The following PTPN11 variants were observed in gnomAD, a reference collection of about 807,000 sequenced individuals.
PTPN11 encodes the protein protein tyrosine phosphatase non-receptor type 11.
A neutral mutation model predicts 78.8 loss-of-function variants in PTPN11; 6 were observed. The ratio of observed to expected loss-of-function variants is 0.08; its 90% CI spans 0.04 to 0.15. The LOEUF is 0.15. PTPN11 is among the 10% of genes least tolerant of loss of function. The pLI is 1.00. For missense variants in PTPN11, 386 were observed against 744.8 expected (o/e 0.52, Z 5.61); for synonymous variants, 221 against 263.5 (o/e 0.84, Z 1.56).
intron 6 of PTPN11, chr12:112,457,173 G>A (rs980276246): frequency 8.9e-6 from 3 of 336,654 alleles, no homozygotes; most frequent in Non-Finnish European, 1.8e-5. Flanking sequence ...CTTTGAGAGG[G>A]TGAGGCAGGT....
chr12:112,465,504 A>G (rs2038313246), intron 6 of PTPN11, among the ~76,000 whole-genome samples: 1 of 151,710 alleles, frequency 6.6e-6, no homozygotes, highest in African/African-American at 2.4e-5. Context: ...GCCAGGGGGT[A>G]CTGTGGGCTG....
intron 1 of PTPN11, among the ~76,000 whole-genome samples, chr12:112,442,315 T>G (rs61941348): frequency 6.6e-6 from 1 of 152,108 alleles, no homozygotes; most frequent in Non-Finnish European, 1.5e-5. Context: ...GTGTTTTGGA[T>G]TTCAGATTTT....
At chr12:112,432,087 G>A (rs187825668) in intron 1 of PTPN11, among the ~76,000 whole-genome samples, 1 of 152,272 alleles carries the variant, frequency 6.6e-6, no homozygotes, top group Admixed American at 6.5e-5. Context: ...AACACAAGTG[G>A]TCTGAAAACA....
chr12:112,452,930 A>G (rs2038098124), intron 3 of PTPN11, among the ~76,000 whole-genome samples: 1 of 152,226 alleles, frequency 6.6e-6, no homozygotes, highest in Admixed American at 6.5e-5. Context: ...GATTTAAAAA[A>G]AAACAGGAAA....
chr12:112,508,274 G>C lies in PTPN11; in HGVS notation c.*2482G>C, dbSNP rs2038960415. Reference sequence around the variant, plus strand: ...TATGTAAACTTAGGCCAAGGCCAGAGTTATCATAGTCCCTAGGTTGCTACG... The same window carrying C: ...TATGTAAACTTAGGCCAAGGCCAGACTTATCATAGTCCCTAGGTTGCTACG... On this transcript the variant is annotated 3_prime_UTR_variant, in exon 16 of 16. Transcript: ENST00000351677. 6.6e-6 allele frequency: 1 copy of C among 152,634 alleles called. No homozygotes were observed. Among genetic ancestry groups the C allele is most frequent in the Admixed American group, 6.5e-5 (1 of 15,282 alleles). 9.5% of individuals were successfully genotyped at this position (152,634 alleles called of 1,614,324 possible).
intron 13 of PTPN11, among the ~76,000 whole-genome samples, chr12:112,500,630 C>T (rs2038863687): frequency 6.6e-6 from 1 of 152,150 alleles, no homozygotes; most frequent in South Asian, 2.1e-4. Context: ...CTCACTCCAT[C>T]ACCCAGGCTG....
At chr12:112,474,882 C>T (rs2135897423) in intron 7 of PTPN11, among the ~76,000 whole-genome samples, 1 of 152,112 alleles carries the variant, frequency 6.6e-6, no homozygotes, top group South Asian at 2.1e-4. Context: ...CTGCCTGCAT[C>T]GGCCTCCCAA....
intron 1 of PTPN11, among the ~76,000 whole-genome samples, chr12:112,438,046 T>C (rs569790038): frequency 1.3e-5 from 2 of 152,206 alleles, no homozygotes; most frequent in Non-Finnish European, 2.9e-5. Context: ...AGGACTCTGA[T>C]GTACCTGAAG....
chr12:112,490,647 G>A (rs7978851), intron 13 of PTPN11, among the ~76,000 whole-genome samples: 53,515 of 151,712 alleles, frequency 0.35, 13,732 homozygotes, highest in East Asian at 0.85. Flanking sequence ...AGGTCTCACT[G>A]TGTTGCCCAG....
At chr12:112,471,670 G>C (rs1424547150) in intron 6 of PTPN11, among the ~76,000 whole-genome samples, 1 of 149,306 alleles carries the variant, frequency 6.7e-6, no homozygotes, top group Non-Finnish European at 1.5e-5. Context: ...GAACACAGTG[G>C]GAAAAAAAAA....
chr12:112,462,177 G>C (rs968573216), intron 6 of PTPN11, among the ~76,000 whole-genome samples: 10 of 152,128 alleles, frequency 6.6e-5, no homozygotes, highest in African/African-American at 2.4e-4. Flanking sequence ...GGGCAATATA[G>C]TGAGACCCTG....
chr12:112,432,809 A>G (rs1316270995), intron 1 of PTPN11, among the ~76,000 whole-genome samples: 1 of 151,992 alleles, frequency 6.6e-6, no homozygotes, highest in Non-Finnish European at 1.5e-5. Context: ...GCAAGACCCC[A>G]TCTCAAAAAA....
rs2038680295 is a variant in PTPN11 at position 112,486,593 on chromosome 12, G to A, written c.1343G>A (p.Ser448Asn). 5.6e-6 allele frequency: 9 copies of A among 1,613,642 alleles called. No individual in the cohort carries two copies. Among genetic ancestry groups the A allele is most frequent in the Non-Finnish European group, 6.8e-6 (8 of 1,180,050 alleles). Residue 448 changes from serine to asparagine, a missense_variant, in exon 11 of 16, where the codon AGC becomes AAC. Around this residue, in one of 3 missense-constraint regions of PTPN11, gnomAD observed 63 missense variants for 182.2 expected, o/e 0.35. Coordinates refer to ENST00000351677, the MANE Select transcript of PTPN11 (RefSeq NM_002834.5). The part of the protein sequence containing the change: ...FLEEVHHKQE[S>N]IMDAGPVVVH... ...GAGGAGGTGCACCATAAGCAGGAGA[G>A]CATCATGGATGCAGGGCCGGTCGTG...
chr12:112,430,378 A>C (rs1291659974), intron 1 of PTPN11, among the ~76,000 whole-genome samples: 2 of 152,116 alleles, frequency 1.3e-5, no homozygotes, highest in Non-Finnish European at 2.9e-5. Context: ...GTAAGTATGG[A>C]TAAATCATCT....
intron 1 of PTPN11, among the ~76,000 whole-genome samples, chr12:112,433,515 G>T (rs1453121568): frequency 6.6e-6 from 1 of 152,210 alleles, no homozygotes; most frequent in Non-Finnish European, 1.5e-5. Flanking sequence ...ATTTGTAAAA[G>T]TATGTAAAAA....
At chr12:112,433,103 C>T (rs934852793) in intron 1 of PTPN11, among the ~76,000 whole-genome samples, 3 of 152,176 alleles carry the variant, frequency 2.0e-5, no homozygotes, top group East Asian at 1.9e-4. Flanking sequence ...TCAAGTGATC[C>T]GCCTGCCTCA....
At chr12:112,485,852 G>A (rs575876440) in intron 10 of PTPN11, among the ~76,000 whole-genome samples, 27 of 152,022 alleles carry the variant, frequency 1.8e-4, no homozygotes, top group Non-Finnish European at 3.7e-4. Flanking sequence ...ATGGTGATGT[G>A]TGCCTGTAAT....
chr12:112,434,828 C>T (rs918246078), intron 1 of PTPN11, among the ~76,000 whole-genome samples: 4 of 151,968 alleles, frequency 2.6e-5, no homozygotes, highest in African/African-American at 9.7e-5. Context: ...ACTCTGTTGC[C>T]CAGGCTGGGG....
chr12:112,466,788 C>A (rs1651940338), intron 6 of PTPN11, among the ~76,000 whole-genome samples: 1 of 152,164 alleles, frequency 6.6e-6, no homozygotes, highest in Non-Finnish European at 1.5e-5. Flanking sequence ...CATTATTTTT[C>A]TTCCCTAGGT....
Sources: allele counts gnomAD v4.1 joint callset (sites outside exome capture counted in the v4.1 genomes callset), GRCh38; gene constraint gnomAD v4.1.1; regional missense constraint gnomAD v4.1.1; transcripts MANE v1.5; gene names NCBI Gene and HGNC (gene_info 2026-07-23, HGNC 2026-07-21).